Variants in UQCC1 observed in about 807,000 individuals in gnomAD.
UQCC1 encodes the protein ubiquinol-cytochrome c reductase complex assembly factor 1.
In UQCC1, 38 loss-of-function variants were observed where a neutral mutation model predicts 48.0. That is an observed-to-expected ratio of 0.79 (90% confidence interval 0.61 to 1.04). The LOEUF is 1.04. UQCC1 is among the 50% of genes least tolerant of loss of function. UQCC1 has a pLI of 0.00. For missense variants in UQCC1, 368 were observed against 381.8 expected (o/e 0.96, Z 0.30); for synonymous variants, 111 against 129.2 (o/e 0.86, Z 0.95).
chr20:35,399,868 AAAAG>A lies in UQCC1; in HGVS notation c.25-5676_25-5673del, dbSNP rs1391648981. Among the ~76,000 whole-genome samples, 9 of 150,280 alleles carry A rather than the reference AAAAG, an allele frequency of 6.0e-5. No homozygotes were observed. In the East Asian group the frequency reaches 9.9e-4, roughly 17 times the overall value. ...GCAAGACTCCACTCAAAAAAAAAAA[AAAAG>A]AAAAGAAATCTGTCTAGATGTCAGC... On this transcript the variant is annotated intron_variant, in intron 1 of 9. Coordinates refer to ENST00000374385, the MANE Select transcript of UQCC1 (RefSeq NM_018244.5).
At chr20:35,403,080 A>C (rs924072604) in intron 1 of UQCC1, among the ~76,000 whole-genome samples, 1 of 152,144 alleles carries the variant, frequency 6.6e-6, no homozygotes, top group Non-Finnish European at 1.5e-5. Flanking sequence ...AAAAAAAAAA[A>C]AAAATTACCT....
chr20:35,330,943 C>G (rs911702598), intron 7 of UQCC1, among the ~76,000 whole-genome samples: 3 of 152,144 alleles, frequency 2.0e-5, no homozygotes, highest in Admixed American at 1.3e-4. Flanking sequence ...CACTGTCCTT[C>G]TAGAGGGAGG....
At chr20:35,364,014 G>A (rs183847261) in intron 6 of UQCC1, among the ~76,000 whole-genome samples, 49 of 152,248 alleles carry the variant, frequency 3.2e-4, no homozygotes, top group African/African-American at 1.1e-3. Context: ...GAGGATCACA[G>A]CACAACTGAG....
At chr20:35,327,467 G>C (rs1238217485) in intron 7 of UQCC1, among the ~76,000 whole-genome samples, 5 of 152,204 alleles carry the variant, frequency 3.3e-5, no homozygotes, top group Admixed American at 3.3e-4. Context: ...TTATCACTTG[G>C]CTAATAAATG....
At chr20:35,403,209 C>T (rs141028786) in intron 1 of UQCC1, among the ~76,000 whole-genome samples, 1 of 152,064 alleles carries the variant, frequency 6.6e-6, no homozygotes, top group Admixed American at 6.6e-5. Context: ...GGTCAGGTTT[C>T]TATCAGAGAA....
At chr20:35,385,433 GA>G (rs1308070135) in intron 2 of UQCC1, among the ~76,000 whole-genome samples, 1 of 152,174 alleles carries the variant, frequency 6.6e-6, no homozygotes, top group African/African-American at 2.4e-5. Flanking sequence ...GATGGTTAAT[GA>G]AAGTTCAGTC....
At chr20:35,321,224 T>C (rs982891809) in intron 7 of UQCC1, among the ~76,000 whole-genome samples, 39 of 151,622 alleles carry the variant, frequency 2.6e-4, no homozygotes, top group African/African-American at 9.2e-4. Flanking sequence ...GAGGGTCTTT[T>C]AGCAATGATG....
intron 1 of UQCC1, among the ~76,000 whole-genome samples, chr20:35,400,565 A>G (rs988890834): frequency 6.0e-4 from 90 of 148,788 alleles, no homozygotes; most frequent in Admixed American, 5.3e-3. Context: ...GTGGGATCTC[A>G]GCTCACTGCA....
intron 4 of UQCC1, among the ~76,000 whole-genome samples, chr20:35,381,431 T>A (rs932062379): frequency 6.6e-6 from 1 of 152,188 alleles, no homozygotes; most frequent in South Asian, 2.1e-4. Context: ...TGCCTGCTAC[T>A]ATGAGATGCT....
intron 6 of UQCC1, among the ~76,000 whole-genome samples, chr20:35,364,999 C>T (rs1336533181): frequency 2.0e-5 from 3 of 152,142 alleles, no homozygotes; most frequent in Non-Finnish European, 4.4e-5. Context: ...CAGTCCTCCT[C>T]TCCTAAAAAA....
chr20:35,388,286 T>C (rs2146499972), intron 2 of UQCC1, among the ~76,000 whole-genome samples: 2 of 67,164 alleles, frequency 3.0e-5, no homozygotes, highest in South Asian at 1.4e-3. Context: ...CTGCCCCTTC[T>C]ATTTCTTTTT....
chr20:35,307,015 A>C (rs2060937124), intron 8 of UQCC1: 2 of 545,054 alleles, frequency 3.7e-6, no homozygotes, highest in Non-Finnish European at 6.8e-6. Context: ...AGAGGGGCCA[A>C]GCCACCAGTT....
chr20:35,333,026 C>T (rs954068309), intron 7 of UQCC1, among the ~76,000 whole-genome samples: 3 of 151,958 alleles, frequency 2.0e-5, no homozygotes, highest in Non-Finnish European at 4.4e-5. Flanking sequence ...CATTAGTTCA[C>T]TCATAATTAC....
At chr20:35,328,399 T>C (rs2061220508) in intron 7 of UQCC1, among the ~76,000 whole-genome samples, 1 of 152,198 alleles carries the variant, frequency 6.6e-6, no homozygotes, top group South Asian at 2.1e-4. Context: ...GTAAGTAAAT[T>C]AGTAGTGGCA....
At chr20:35,383,029 A>G (rs1483889483) in intron 3 of UQCC1, among the ~76,000 whole-genome samples, 3 of 152,204 alleles carry the variant, frequency 2.0e-5, no homozygotes, top group African/African-American at 7.2e-5. Flanking sequence ...TCCCAAGAAC[A>G]ATTCTGAGAA....
chr20:35,399,504 T>C (rs1230499515), intron 1 of UQCC1, among the ~76,000 whole-genome samples: 1 of 152,154 alleles, frequency 6.6e-6, no homozygotes, highest in African/African-American at 2.4e-5. Context: ...TTCCTTGTAG[T>C]AATTTTTTGG....
chr20:35,394,343 T>C, intron 1 of UQCC1, 147 bp from the exon 2 acceptor site: 1 of 684,654 alleles, frequency 1.5e-6, no homozygotes. Flanking sequence ...CCTAAAACCC[T>C]TGGAATTTCT....
chr20:35,363,201 G>A (rs1180275621), intron 6 of UQCC1, among the ~76,000 whole-genome samples: 5 of 152,148 alleles, frequency 3.3e-5, no homozygotes, highest in African/African-American at 4.8e-5. Context: ...TTTGAGTTAG[G>A]TGACTGAGCA....
chr20:35,333,430 A>G (rs935292676), intron 7 of UQCC1, among the ~76,000 whole-genome samples: 3 of 152,226 alleles, frequency 2.0e-5, no homozygotes, highest in African/African-American at 7.2e-5. Context: ...AAATATCTAA[A>G]TAAGGGAAGC....
Sources: allele counts gnomAD v4.1 joint callset (sites outside exome capture counted in the v4.1 genomes callset), GRCh38; gene constraint gnomAD v4.1.1; transcripts MANE v1.5; gene names NCBI Gene and HGNC (gene_info 2026-07-23, HGNC 2026-07-21).